The following EPB41L2 variants were observed in gnomAD, a reference collection of about 807,000 sequenced individuals.
The protein encoded by EPB41L2 is band 4.1-like protein 2.
In EPB41L2, 43 loss-of-function variants were observed where a neutral mutation model predicts 113.0. That is an observed-to-expected ratio of 0.38 (90% confidence interval 0.30 to 0.49). EPB41L2 has a LOEUF of 0.49. Ranked by LOEUF, EPB41L2 falls within the 20% of genes least tolerant of loss-of-function variation. EPB41L2 has a pLI of 0.95. For missense variants in EPB41L2, 1,147 were observed against 1,223.4 expected (o/e 0.94, Z 0.93); for synonymous variants, 442 against 436.7 (o/e 1.01, Z -0.15).
At chr6:130,926,767 A>T in intron 3 of EPB41L2, 58 bp from the exon 4 acceptor site, 1 of 992,702 alleles carries the variant, frequency 1.0e-6, no homozygotes, top group Non-Finnish European at 1.5e-6. Context: ...GACTGCTATA[A>T]ATTTAAGACA....
chr6:130,879,134 C>T (rs1178434927), intron 13 of EPB41L2, among the ~76,000 whole-genome samples: 1 of 152,124 alleles, frequency 6.6e-6, no homozygotes, highest in Non-Finnish European at 1.5e-5. Flanking sequence ...CATAGGGCCA[C>T]CTGTGGATTA....
intron 1 of EPB41L2, among the ~76,000 whole-genome samples, chr6:131,042,849 T>C (rs1794715204): frequency 6.6e-6 from 1 of 152,326 alleles, no homozygotes; most frequent in South Asian, 2.1e-4. Flanking sequence ...TTTCTCCCTT[T>C]CTTTTTTGGA....
intron 14 of EPB41L2, among the ~76,000 whole-genome samples, chr6:130,875,477 GC>G (rs1787220350): frequency 6.6e-6 from 1 of 152,002 alleles, no homozygotes; most frequent in African/African-American, 2.4e-5. Flanking sequence ...TGCTCACCAA[GC>G]CCCTGTCATT....
chr6:130,919,937 A>G (rs1177860682), intron 4 of EPB41L2, among the ~76,000 whole-genome samples: 2 of 151,886 alleles, frequency 1.3e-5, no homozygotes, highest in African/African-American at 4.8e-5. Flanking sequence ...TTTACCCTCT[A>G]TTTCACAGAG....
At chr6:130,907,359 T>C (rs1417931102) in intron 5 of EPB41L2, among the ~76,000 whole-genome samples, 1 of 152,234 alleles carries the variant, frequency 6.6e-6, no homozygotes, top group Non-Finnish European at 1.5e-5. Context: ...TGTCTACTTA[T>C]TCCTCTTCTT....
At position 130,865,398 on chromosome 6, in the gene EPB41L2, T is replaced by A. The variant is rs1216247299; in HGVS notation, c.2829+138A>T. On this transcript the variant is annotated intron_variant, in intron 17 of 19. Coordinates refer to ENST00000337057, the MANE Select transcript of EPB41L2 (RefSeq NM_001431.4). ...CAATGGAGCCTAATTTCTTGGATACTTTAAACCAAGGCATTTTGATTCCGC... is the reference window on the plus strand; with the variant it reads ...CAATGGAGCCTAATTTCTTGGATACATTAAACCAAGGCATTTTGATTCCGC... 3.5e-6 allele frequency: 3 copies of A among 848,990 alleles called. No homozygotes were observed. The African/African-American group carries it at 5.2e-5, about 15-fold the overall frequency. 52.6% of individuals were successfully genotyped at this position (848,990 alleles called of 1,614,324 possible). A position where few individuals can be genotyped will look rare whatever the true frequency, so the allele number is the denominator to read the frequency against.
At chr6:130,955,010 G>T in intron 3 of EPB41L2, 95 bp downstream of exon 3, 1 of 1,047,438 alleles carries the variant, frequency 9.5e-7, no homozygotes, top group Non-Finnish European at 1.4e-6. Context: ...GTAATCAACT[G>T]GCTTACAGGA....
chr6:130,991,762 T>C (rs1182247281), intron 1 of EPB41L2, among the ~76,000 whole-genome samples: 1 of 152,244 alleles, frequency 6.6e-6, no homozygotes, highest in Non-Finnish European at 1.5e-5. Context: ...AACATGAAGA[T>C]GCATATGTGC....
intron 1 of EPB41L2, among the ~76,000 whole-genome samples, chr6:130,987,798 G>A (rs1056136507): frequency 6.6e-6 from 1 of 152,094 alleles, no homozygotes; most frequent in Non-Finnish European, 1.5e-5. Flanking sequence ...GAAACAGGGA[G>A]AATGCAGACA....
intron 1 of EPB41L2, among the ~76,000 whole-genome samples, chr6:130,985,255 C>A (rs964152308): frequency 5.3e-5 from 8 of 152,170 alleles, no homozygotes; most frequent in Non-Finnish European, 4.4e-5. Context: ...CTGCTCCTCC[C>A]CCACTCTGAG....
chr6:131,054,026 TCTATCC>T (rs1024119006), intron 1 of EPB41L2, among the ~76,000 whole-genome samples: 3 of 152,212 alleles, frequency 2.0e-5, no homozygotes, highest in African/African-American at 4.8e-5. Flanking sequence ...GTTTTCTTGA[TCTATCC>T]CCATGTCATG....
At chr6:130,863,861 T>C in intron 17 of EPB41L2, 143 bp from the exon 18 acceptor site, 1 of 568,068 alleles carries the variant, frequency 1.8e-6, no homozygotes, top group Non-Finnish European at 3.1e-6. Flanking sequence ...ACTGATATTC[T>C]AGAAACACTT....
chr6:130,974,727 T>TTTTTC (rs1777784608), intron 1 of EPB41L2, among the ~76,000 whole-genome samples: 1 of 126,706 alleles, frequency 7.9e-6, no homozygotes. Context: ...CTTTTTTTTT[T>TTTTTC]TTTTTTTTTT....
At chr6:130,891,428 T>TTTACTTACTTACTTAC (rs34546609) in intron 10 of EPB41L2, among the ~76,000 whole-genome samples, 2,226 of 149,446 alleles carry the variant, frequency 0.015, 58 homozygotes, top group African/African-American at 0.052. Context: ...TATTTATTTA[T>TTTACTTACTTACTTAC]TTACTTACTT....
chr6:131,024,820 G>A (rs759222810), intron 1 of EPB41L2, among the ~76,000 whole-genome samples: 1 of 152,150 alleles, frequency 6.6e-6, no homozygotes, highest in Admixed American at 6.5e-5. Context: ...TTAGCTTCTA[G>A]AATTTTTGGT....
intron 1 of EPB41L2, among the ~76,000 whole-genome samples, chr6:131,051,689 G>C (rs9388879): frequency 0.096 from 14,588 of 152,106 alleles, 913 homozygotes; most frequent in South Asian, 0.14. Context: ...ATATCTTTGA[G>C]GACTGAGGTG....
intron 3 of EPB41L2, among the ~76,000 whole-genome samples, chr6:130,930,139 C>T (rs1562513967): frequency 1.3e-5 from 2 of 152,042 alleles, no homozygotes; most frequent in East Asian, 1.9e-4. Context: ...TAACAGACAC[C>T]CTGAGGAGTC....
chr6:130,842,520 T>C (rs12194612), intron 19 of EPB41L2, among the ~76,000 whole-genome samples: 53,777 of 151,850 alleles, frequency 0.35, 9,812 homozygotes, highest in South Asian at 0.46. Flanking sequence ...CAGCTGCCAT[T>C]TTGCCTAGTT....
intron 1 of EPB41L2, among the ~76,000 whole-genome samples, chr6:130,996,604 G>A (rs1783176297): frequency 6.6e-6 from 1 of 152,184 alleles, no homozygotes; most frequent in African/African-American, 2.4e-5. Context: ...ATGAATGAAT[G>A]AATGAATGCC....
Sources: allele counts gnomAD v4.1 joint callset (sites outside exome capture counted in the v4.1 genomes callset), GRCh38; gene constraint gnomAD v4.1.1; transcripts MANE v1.5; gene names NCBI Gene and HGNC (gene_info 2026-07-23, HGNC 2026-07-21).